The following CHRNE variants were observed in gnomAD, a reference collection of about 807,000 sequenced individuals.
CHRNE encodes the protein acetylcholine receptor subunit epsilon.
In CHRNE, 58 loss-of-function variants were observed where a neutral mutation model predicts 56.5. The ratio of observed to expected loss-of-function variants is 1.03; its 90% CI spans 0.83 to 1.28. CHRNE has a LOEUF of 1.28. Ranked by LOEUF, CHRNE falls within the 50% of genes most tolerant of loss-of-function variation. The pLI is 0.00. For synonymous variants in CHRNE, 385 were observed against 297.9 expected, an observed-to-expected ratio of 1.29 and a Z score of -3.01; for missense variants, 793 against 688.9, an observed-to-expected ratio of 1.15 and a Z score of -1.69.
intron 8 of CHRNE, chr17:4,899,944 C>G (rs890674982): frequency 1.3e-6 from 2 of 1,550,678 alleles, no homozygotes; most frequent in Admixed American, 2.0e-5. Flanking sequence ...AGGTGGCCCT[C>G]CAGCCCCCGC....
chr17:4,901,433 C>A, intron 6 of CHRNE, 92 bp downstream of exon 6: 1 of 1,183,140 alleles, frequency 8.5e-7, no homozygotes, highest in South Asian at 1.2e-5. Flanking sequence ...AGTCATCCTC[C>A]AGTGTCGTTG....
chr17:4,899,252 GC>G lies in CHRNE; in HGVS notation c.1164del (p.Lys388AsnfsTer40), dbSNP rs1222065184. The G allele has an allele frequency of 3.7e-6, 6 of 1,605,890 alleles. No homozygotes were observed. Among genetic ancestry groups the G allele is most frequent in the Non-Finnish European group, 5.1e-6 (6 of 1,179,186 alleles). ...LLRAEELILKKPRSELVFEGQ... is the reference protein window; with the variant it reads ...LLRAEELILKXPRSELVFEGQ... ...CCCTCAAACACGAGCTCGCTCCGTG[GC>G]TTTTTCAGTATCAGCTCCTCCGCGC... On this transcript the variant is annotated frameshift_variant, in exon 10 of 12. Transcript: ENST00000649488. LOFTEE classifies it high-confidence loss of function.
chr17:4,898,301 C>T lies in CHRNE; in HGVS notation c.*435G>A, dbSNP rs1473271788. On this transcript the variant is annotated 3_prime_UTR_variant, in exon 12 of 12. Coordinates refer to ENST00000649488, the MANE Select transcript of CHRNE (RefSeq NM_000080.4). ...GCACTGAAGGTGTTTGGTTCCCACCCGCTCCAGCAGAGCCAGACCAGGGAA... is the reference window on the plus strand; with the variant it reads ...GCACTGAAGGTGTTTGGTTCCCACCTGCTCCAGCAGAGCCAGACCAGGGAA... 2.5e-5 allele frequency: 7 copies of T among 281,182 alleles called. No individual in the cohort carries two copies. Among genetic ancestry groups the T allele is most frequent in the African/African-American group, 6.6e-5 (3 of 45,366 alleles). 17.4% of individuals were successfully genotyped at this position (281,182 alleles called of 1,614,324 possible). A position where few individuals can be genotyped will look rare whatever the true frequency, so the allele number is the denominator to read the frequency against.
In CHRNE at chr17:4,901,171, GATGGCCC is replaced by G. The variant is rs753828284; in HGVS notation, c.614_620del (p.Trp205SerfsTer7). Reference sequence around the variant, plus strand: ...GGCGGATCACCCCCGGGCAGAAGTCGATGGCCCACTCGCCGTTCTCTGCGGGACGGGG... The same window carrying G: ...GGCGGATCACCCCCGGGCAGAAGTCGACTCGCCGTTCTCTGCGGGACGGGG... On this transcript the variant is annotated frameshift_variant, in exon 7 of 12. Transcript: ENST00000649488. LOFTEE classifies it high-confidence loss of function. 350 of 1,606,940 alleles carry G rather than the reference GATGGCCC, an allele frequency of 2.2e-4. No homozygotes were observed. Among genetic ancestry groups the G allele is most frequent in the Non-Finnish European group, 2.9e-4 (344 of 1,179,418 alleles).
chr17:4,903,283 G>A (rs1006861346), upstream of CHRNE, among the ~76,000 whole-genome samples: 10 of 152,098 alleles, frequency 6.6e-5, no homozygotes, highest in South Asian at 2.1e-4. Flanking sequence ...CCAGCCCAGC[G>A]TCCTTTGCCT....
At chr17:4,900,538 C>A in intron 8 of CHRNE, 1 of 1,550,638 alleles carries the variant, frequency 6.4e-7, no homozygotes. Context: ...AGTTAGGGGC[C>A]AGAGGCGGCG....
rs1437183032 is a variant in CHRNE at position 4,898,706 on chromosome 17, A to AGAT, written c.*27_*29dup. 3.1e-6 allele frequency: 5 copies of AGAT among 1,601,656 alleles called. No individual in the cohort carries two copies. In the Admixed American group the frequency reaches 5.2e-5, roughly 17 times the overall value. On this transcript the variant is annotated 3_prime_UTR_variant, in exon 12 of 12. Transcript: ENST00000649488. ...TTTTTCAAAATCAATTTCCTACTGG[A>AGAT]GATGGGTGGGAAATTGAAGTCGGTG...
At chr17:4,901,757 C>G (rs997273984) in intron 5 of CHRNE, 132 bp from the exon 6 acceptor site, 1 of 1,236,264 alleles carries the variant, frequency 8.1e-7, no homozygotes, top group Non-Finnish European at 1.2e-6. Context: ...CCAGCCCGCA[C>G]GCCTCTGTTC....
At position 4,899,066 on chromosome 17, in the gene CHRNE, G is replaced by A. The variant is rs369709668; in HGVS notation, c.1261C>T (p.Arg421Cys). 6.8e-6 allele frequency: 11 copies of A among 1,611,568 alleles called. No individual in the cohort carries two copies. Among genetic ancestry groups the A allele is most frequent in the African/African-American group, 2.7e-5 (2 of 74,938 alleles). The change falls in exon 11 of 12, where the codon CGC (arginine) becomes TGC (cysteine). Residue 421 changes from arginine (R) to cysteine (C), a missense_variant. Coordinates refer to ENST00000649488, the MANE Select transcript of CHRNE (RefSeq NM_000080.4). The stretch of plus-strand genomic sequence containing the variant: ...AAGTTCACGGCATCCACACAGCAGC[G>A]GACCTCGGGGGCGGCGGCGCCCAGG... ...QSLGAAAPEV[R>C]CCVDAVNFVA...
At chr17:4,904,207 G>C (rs1436810538), upstream of CHRNE, among the ~76,000 whole-genome samples, 1 of 151,344 alleles carries the variant, frequency 6.6e-6, no homozygotes, top group Non-Finnish European at 1.5e-5. Context: ...TTTTTTGCAG[G>C]GGGTGGGGGG....
At chr17:4,907,363 A>C (rs1216775243), upstream of CHRNE, among the ~76,000 whole-genome samples, 1 of 151,812 alleles carries the variant, frequency 6.6e-6, no homozygotes, top group Admixed American at 6.6e-5. Context: ...GGAGATCAAG[A>C]CCATCCTGGC....
chr17:4,902,797 A>G lies in CHRNE; in HGVS notation c.47-34T>C. 1 of 1,613,886 alleles carries G rather than the reference A, an allele frequency of 6.2e-7. No individual in the cohort carries two copies. ...GGGTCAAGAAGGAAGGGTCATTGGC[A>G]ATGAAGAGGCTGGAGCACCTCTCTC... On this transcript the variant is annotated intron_variant, in intron 1 of 11. Transcript: ENST00000649488. The surrounding 1 kb of genome is among the most constrained non-coding windows in gnomAD (Gnocchi z 4.0).
upstream of CHRNE, among the ~76,000 whole-genome samples, chr17:4,906,264 G>C (rs940950450): frequency 6.6e-6 from 1 of 152,088 alleles, no homozygotes; most frequent in African/African-American, 2.4e-5. Flanking sequence ...GGGTGTGGCA[G>C]GCCCTGACAC....
chr17:4,901,864 G>A (rs1447542517), intron 5 of CHRNE, 68 bp downstream of exon 5: 1 of 1,595,772 alleles, frequency 6.3e-7, no homozygotes, highest in Non-Finnish European at 8.6e-7. Flanking sequence ...GGTGCTTCCC[G>A]GTTGGCCCCG....
chr17:4,904,002 C>T (rs747613491), upstream of CHRNE, among the ~76,000 whole-genome samples: 9 of 151,952 alleles, frequency 5.9e-5, no homozygotes, highest in East Asian at 1.9e-4. Flanking sequence ...GGACTACAGG[C>T]GCATGCCACC....
Position 4,899,256 on chromosome 17 carries a change from T to C in CHRNE, c.1161A>G (p.Lys387=), listed in dbSNP as rs2151094537. 6.2e-7 allele frequency: 1 copy of C among 1,605,474 alleles called. No individual in the cohort carries two copies. The highest frequency in any genetic ancestry group is 2.2e-5 in the East Asian group (1 of 44,664). The stretch of plus-strand genomic sequence containing the variant: ...CAAACACGAGCTCGCTCCGTGGCTT[T>C]TTCAGTATCAGCTCCTCCGCGCGGA... ...LLLRAEELIL[K]KPRSELVFEG... Residue 387 remains lysine, a synonymous_variant, in exon 10 of 12, where the codon AAA becomes AAG. Transcript: ENST00000649488.
In CHRNE at chr17:4,898,641, AG is replaced by A; in HGVS notation, c.*94del. 6.8e-7 allele frequency: 1 copy of A among 1,470,026 alleles called. No homozygotes were observed. 91.1% of individuals were successfully genotyped at this position (1,470,026 alleles called of 1,614,324 possible). On this transcript the variant is annotated 3_prime_UTR_variant, in exon 12 of 12. Transcript: ENST00000649488. Reference sequence around the variant, plus strand: ...GTTCACAAACTGCAGATTGATCAGCAGGGGGAAGGGATCATAATGCCGTGGT... The same window carrying A: ...GTTCACAAACTGCAGATTGATCAGCAGGGGAAGGGATCATAATGCCGTGGT...
rs747832866 is a variant in CHRNE, at chr17:4,902,119, C to T, written c.345-32G>A. The T allele has an allele frequency of 1.5e-5, 24 of 1,613,752 alleles. No homozygotes were observed. Among genetic ancestry groups the T allele is most frequent in the Non-Finnish European group, 1.9e-5 (23 of 1,179,946 alleles). ...GCTCGGGGAAACCGAGCTTTTTGCACAGGTCTGCACCCTCTCAGAGTACCC... is the reference window on the plus strand; with the variant it reads ...GCTCGGGGAAACCGAGCTTTTTGCATAGGTCTGCACCCTCTCAGAGTACCC... On this transcript the variant is annotated intron_variant, in intron 4 of 11. Coordinates refer to ENST00000649488, the MANE Select transcript of CHRNE (RefSeq NM_000080.4). This position sits in a 1 kb window ranked among gnomAD's most constrained non-coding sequence, Gnocchi z 4.0.
At chr17:4,904,442 A>G (rs1317454776), upstream of CHRNE, among the ~76,000 whole-genome samples, 1 of 152,156 alleles carries the variant, frequency 6.6e-6, no homozygotes, top group African/African-American at 2.4e-5. Flanking sequence ...CCTAGGCTCC[A>G]TTCCCAGAGA....
Sources: allele counts gnomAD v4.1 joint callset (sites outside exome capture counted in the v4.1 genomes callset), GRCh38; gene constraint gnomAD v4.1.1; non-coding constraint Gnocchi (gnomAD v3.1); transcripts MANE v1.5; gene names NCBI Gene and HGNC (gene_info 2026-07-23, HGNC 2026-07-21).